Variants in ADGRL2 observed in about 807,000 individuals in gnomAD.
The protein encoded by ADGRL2 is calcium-independent alpha-latrotoxin receptor 2.
Under a neutral mutation model 157.4 loss-of-function variants are expected in ADGRL2, and 44 were observed. That is an observed-to-expected ratio of 0.28 (90% CI 0.22 to 0.36). The LOEUF (loss-of-function observed/expected upper bound fraction) is 0.36. ADGRL2 is among the 10% of genes least tolerant of loss of function. The probability of loss-of-function intolerance (pLI) is 1.00; values close to 1 mark genes in which losing one functional copy is unlikely to be tolerated. For missense variants in ADGRL2, 1,510 were observed against 1,768.9 expected (o/e 0.85, Z 2.63); for synonymous variants, 585 against 624.7 (o/e 0.94, Z 0.95).
intron 1 of ADGRL2, among the ~76,000 whole-genome samples, chr1:81,393,025 C>G (rs150105394): frequency 9.2e-5 from 14 of 152,204 alleles, no homozygotes; most frequent in Non-Finnish European, 5.9e-5. Context: ...AACATCTGCA[C>G]ATGAGAGTGT....
intron 3 of ADGRL2, among the ~76,000 whole-genome samples, chr1:81,669,799 C>A (rs2082833011): frequency 6.6e-6 from 1 of 151,886 alleles, no homozygotes; most frequent in Non-Finnish European, 1.5e-5. Context: ...AAAAATTAGC[C>A]AGGCATGGTG....
chr1:81,935,418 A>G (rs544543590), intron 3 of ADGRL2, among the ~76,000 whole-genome samples: 30 of 152,084 alleles, frequency 2.0e-4, no homozygotes, highest in African/African-American at 6.3e-4. Context: ...AAATTTACCT[A>G]TTTAATCCTG....
intron 3 of ADGRL2, among the ~76,000 whole-genome samples, chr1:81,911,316 TG>T (rs201315468): frequency 7.3e-5 from 11 of 151,618 alleles, no homozygotes; most frequent in African/African-American, 1.5e-4. Flanking sequence ...AGATAATTGT[TG>T]GGGGGGGCAA....
chr1:81,946,465 G>A (rs1649888430), intron 6 of ADGRL2, among the ~76,000 whole-genome samples: 1 of 151,308 alleles, frequency 6.6e-6, no homozygotes, highest in Admixed American at 6.6e-5. Flanking sequence ...ATGGCCTTAG[G>A]AAAAACACTT....
At chr1:81,510,881 GGTTTGATATGTGAGTATATACAA>G (rs1278284994) in intron 2 of ADGRL2, among the ~76,000 whole-genome samples, 1 of 152,108 alleles carries the variant, frequency 6.6e-6, no homozygotes, top group East Asian at 1.9e-4. Context: ...TAGCCTTCTT[GGTTTGATATGTGAGTATATACAA>G]GTTCGCACAG....
At chr1:81,929,050 A>G (rs931775561) in intron 3 of ADGRL2, among the ~76,000 whole-genome samples, 2 of 152,214 alleles carry the variant, frequency 1.3e-5, no homozygotes, top group Non-Finnish European at 2.9e-5. Context: ...TAGTAATTGT[A>G]TAATTTCAAA....
intron 1 of ADGRL2, among the ~76,000 whole-genome samples, chr1:81,753,760 T>G (rs913243587): frequency 1.3e-5 from 2 of 152,182 alleles, no homozygotes; most frequent in Non-Finnish European, 2.9e-5. Context: ...TTTTGATCTG[T>G]TTTTTAGTTG....
At chr1:81,403,997 C>T (rs1465513979) in intron 1 of ADGRL2, among the ~76,000 whole-genome samples, 2 of 151,954 alleles carry the variant, frequency 1.3e-5, no homozygotes, top group African/African-American at 4.8e-5. Context: ...AGGGTTTTGC[C>T]ATGGTGGCCA....
chr1:81,571,790 A>G (rs2080699549), intron 2 of ADGRL2, among the ~76,000 whole-genome samples: 1 of 152,172 alleles, frequency 6.6e-6, no homozygotes, highest in Non-Finnish European at 1.5e-5. Context: ...AATACTTCAT[A>G]TTTTTAGCTG....
chr1:81,700,853 G>A (rs1332200833), intron 1 of ADGRL2, among the ~76,000 whole-genome samples: 2 of 152,182 alleles, frequency 1.3e-5, no homozygotes, highest in African/African-American at 4.8e-5. Context: ...GTAGAGTGAT[G>A]ACTTCATAGG....
chr1:81,827,103 C>A (rs760261155), intron 1 of ADGRL2, among the ~76,000 whole-genome samples: 3 of 152,106 alleles, frequency 2.0e-5, no homozygotes, highest in African/African-American at 7.2e-5. Flanking sequence ...AATTGGAAAG[C>A]TCTAAATATA....
At chr1:81,559,564 G>C (rs1354039448) in intron 2 of ADGRL2, among the ~76,000 whole-genome samples, 1 of 151,746 alleles carries the variant, frequency 6.6e-6, no homozygotes, top group Non-Finnish European at 1.5e-5. Flanking sequence ...AATAATGGCA[G>C]GAATATTCTC....
chr1:81,668,281 C>T (rs1341499314), intron 3 of ADGRL2, among the ~76,000 whole-genome samples: 2 of 151,926 alleles, frequency 1.3e-5, no homozygotes, highest in African/African-American at 4.8e-5. Context: ...AAAAATTAGT[C>T]GGACATGGTG....
intron 1 of ADGRL2, among the ~76,000 whole-genome samples, chr1:81,312,742 A>G (rs1399486634): frequency 6.6e-6 from 1 of 152,168 alleles, no homozygotes; most frequent in Non-Finnish European, 1.5e-5. Context: ...TCAGAGAGGG[A>G]TGGAGCAGTT....
At chr1:81,575,694 A>G (rs1570547336) in intron 2 of ADGRL2, among the ~76,000 whole-genome samples, 1 of 152,150 alleles carries the variant, frequency 6.6e-6, no homozygotes, top group South Asian at 2.1e-4. Flanking sequence ...AGAAGTTGGT[A>G]TAGTTACAGT....
At chr1:81,982,993 A>G (rs1294392599) in intron 19 of ADGRL2, among the ~76,000 whole-genome samples, 1 of 151,972 alleles carries the variant, frequency 6.6e-6, no homozygotes, top group Admixed American at 6.6e-5. Context: ...TAACTTCTAA[A>G]CATTGTACAG....
chr1:81,604,055 C>T (rs2081385658), intron 3 of ADGRL2, among the ~76,000 whole-genome samples: 1 of 151,922 alleles, frequency 6.6e-6, no homozygotes. Context: ...CCTCTGCCTC[C>T]CAGGTTCAAG....
chr1:81,606,311 A>G (rs1557500486), intron 3 of ADGRL2, among the ~76,000 whole-genome samples: 2 of 152,152 alleles, frequency 1.3e-5, no homozygotes, highest in East Asian at 3.9e-4. Context: ...AAACTCTTTC[A>G]TTTCATTTGA....
At chr1:81,496,741 C>T (rs577503124) in intron 2 of ADGRL2, among the ~76,000 whole-genome samples, 1 of 151,144 alleles carries the variant, frequency 6.6e-6, no homozygotes, top group Admixed American at 6.6e-5. Context: ...ATTTAGAAGA[C>T]AGAGATTAGA....
Sources: gnomAD v4.1 joint callset for allele counts (sites outside exome capture counted in the v4.1 genomes callset) on GRCh38, gnomAD v4.1.1 for gene constraint, MANE v1.5 for transcripts, NCBI Gene and HGNC (gene_info 2026-07-23, HGNC 2026-07-21) for gene names.